The following SIPA1L1 variants were observed in gnomAD, a reference collection of about 807,000 sequenced individuals.
The protein encoded by SIPA1L1 is signal-induced proliferation-associated 1-like protein 1.
SIPA1L1 carries 26 observed loss-of-function variants against 162.7 expected under a neutral mutation model. The ratio of observed to expected loss-of-function variants is 0.16; its 90% CI spans 0.12 to 0.22. The LOEUF (loss-of-function observed/expected upper bound fraction) is 0.22. Ranked by LOEUF, SIPA1L1 falls within the 10% of genes least tolerant of loss-of-function variation. The pLI, the probability that SIPA1L1 is intolerant of heterozygous loss-of-function variation, is 1.00. For synonymous variants in SIPA1L1, 829 were observed against 837.4 expected, an observed-to-expected ratio of 0.99 and a Z score of 0.17; for missense variants, 1,874 against 2,241.0, an observed-to-expected ratio of 0.84 and a Z score of 3.31.
chr14:71,708,015 GTTT>G (rs34838057), intron 16 of SIPA1L1, among the ~76,000 whole-genome samples: 1 of 100,302 alleles, frequency 1.0e-5, no homozygotes, highest in East Asian at 2.9e-4. Context: ...GTTTTTTGGT[GTTT>G]TTTTTTTTTT....
intron 13 of SIPA1L1, among the ~76,000 whole-genome samples, chr14:71,693,353 G>A (rs906071781): frequency 2.9e-4 from 44 of 152,184 alleles, no homozygotes; most frequent in Non-Finnish European, 5.0e-4. Context: ...ACAATAATTA[G>A]CTGGGTGTGG....
At chr14:71,412,375 A>G (rs1404093482) in intron 2 of SIPA1L1, among the ~76,000 whole-genome samples, 1 of 152,158 alleles carries the variant, frequency 6.6e-6, no homozygotes, top group Non-Finnish European at 1.5e-5. Flanking sequence ...TTCTTCTTCC[A>G]CTGTGGCCCA....
intron 12 of SIPA1L1, among the ~76,000 whole-genome samples, chr14:71,683,822 C>G (rs184121485): frequency 6.6e-6 from 1 of 152,188 alleles, no homozygotes; most frequent in African/African-American, 2.4e-5. Context: ...CCATAACTCT[C>G]AAGTAGATCA....
At chr14:71,658,854 T>A (rs1257591316) in intron 9 of SIPA1L1, among the ~76,000 whole-genome samples, 1 of 152,226 alleles carries the variant, frequency 6.6e-6, no homozygotes, top group African/African-American at 2.4e-5. Flanking sequence ...TATAAAATAC[T>A]AACTTGGAAA....
intron 23 of SIPA1L1, 93 bp from the exon 24 acceptor site, chr14:71,738,925 A>G (rs1370520689): frequency 4.9e-6 from 7 of 1,420,576 alleles, no homozygotes; most frequent in Admixed American, 2.2e-5. Context: ...GAAATGGACA[A>G]AAGATCAAAA....
At chr14:71,605,140 T>C (rs2148140956) in intron 5 of SIPA1L1, among the ~76,000 whole-genome samples, 1 of 152,270 alleles carries the variant, frequency 6.6e-6, no homozygotes, top group African/African-American at 2.4e-5. Context: ...GTACTGAGGT[T>C]CTTTTTTTTC....
At chr14:71,529,285 C>G in intron 3 of SIPA1L1, 27 bp from the exon 4 acceptor site, 1 of 607,120 alleles carries the variant, frequency 1.6e-6, no homozygotes, top group Non-Finnish European at 3.0e-6. Flanking sequence ...TGCACTTAAC[C>G]AGGTTTTTTT....
chr14:71,661,373 C>G lies in SIPA1L1; in HGVS notation c.2161C>G (p.Gln721Glu). 1.2e-6 allele frequency: 2 copies of G among 1,614,024 alleles called. No individual in the cohort carries two copies. Among genetic ancestry groups the G allele is most frequent in the Non-Finnish European group, 1.7e-6 (2 of 1,179,948 alleles). The stretch of plus-strand genomic sequence containing the variant: ...AATTGTTTTCCAAGAGCCTGGAGCA[C>G]AGCCATTCAGCCCAAAAAACATCCG... Reference protein sequence around the residue: ...VTIVFQEPGAQPFSPKNIRSH... With the variant: ...VTIVFQEPGAEPFSPKNIRSH... The change falls in exon 10 of 24, where the codon CAG (glutamine) becomes GAG (glutamate). Residue 721 changes from glutamine to glutamate, a missense_variant. Gln to Glu is a conservative substitution (Grantham distance 29, BLOSUM62 2). Coordinates refer to ENST00000381232, the MANE Select transcript of SIPA1L1 (RefSeq NM_001386936.1).
intron 4 of SIPA1L1, among the ~76,000 whole-genome samples, chr14:71,542,364 C>CATCCTG (rs1281211872): frequency 9.6e-6 from 1 of 104,046 alleles, no homozygotes. Context: ...CTTTCTTCTT[C>CATCCTG]TTCCTGCTGC....
At position 71,672,512 on chromosome 14, in the gene SIPA1L1, C is replaced by T. The variant is rs758735958; in HGVS notation, c.2994C>T (p.Cys998=). The part of the protein sequence containing the change: ...LRQGSRLVEI[C]KVAVATLSHE... ...AGGGCAGTCGCCTGGTGGAGATCTGCAAGGTGGCGGTAGCCACTCTGAGCC... is the reference window on the plus strand; with the variant it reads ...AGGGCAGTCGCCTGGTGGAGATCTGTAAGGTGGCGGTAGCCACTCTGAGCC... The change falls in exon 12 of 24, where the codon TGC becomes TGT. Residue 998 remains cysteine, a synonymous_variant. Transcript: ENST00000381232. 1.9e-6 allele frequency: 3 copies of T among 1,613,832 alleles called. No homozygotes were observed. Among genetic ancestry groups the T allele is most frequent in the African/African-American group, 1.3e-5 (1 of 74,866 alleles).
At chr14:71,569,837 G>A (rs1410207717) in intron 4 of SIPA1L1, among the ~76,000 whole-genome samples, 1 of 152,212 alleles carries the variant, frequency 6.6e-6, no homozygotes, top group African/African-American at 2.4e-5. Flanking sequence ...CATTGGCACT[G>A]CTTCTGCCAC....
At chr14:71,330,486 C>G in intron 2 of SIPA1L1, 5 of 1,606,440 alleles carry the variant, frequency 3.1e-6, no homozygotes, top group Non-Finnish European at 4.3e-6. Flanking sequence ...GAACTTGGTC[C>G]CCTTCCTGAA....
At position 71,658,266 on chromosome 14, in the gene SIPA1L1, T is replaced by A. The variant is rs1474393719; in HGVS notation, c.1994-67T>A. 13 of 807,986 alleles carry A rather than the reference T, an allele frequency of 1.6e-5. No homozygotes were observed. The Admixed American group carries it at 2.9e-4, about 18-fold the overall frequency. 50.1% of individuals were successfully genotyped at this position (807,986 alleles called of 1,614,324 possible). ...TTTTCTTCTCTTTTCTTTTTTGAGATATTTCTCTTAAATAAATTATTTTTC... is the reference window on the plus strand; with the variant it reads ...TTTTCTTCTCTTTTCTTTTTTGAGAAATTTCTCTTAAATAAATTATTTTTC... On this transcript the variant is annotated intron_variant, in intron 8 of 23. Transcript: ENST00000381232.
chr14:71,457,019 C>T (rs924625838), intron 2 of SIPA1L1, among the ~76,000 whole-genome samples: 2 of 152,180 alleles, frequency 1.3e-5, no homozygotes, highest in African/African-American at 2.4e-5. Flanking sequence ...TAGCCTCAAG[C>T]AATCCTACTG....
At position 71,709,213 on chromosome 14, in the gene SIPA1L1, C is replaced by A; in HGVS notation, c.3766-9C>A. 1 of 1,598,444 alleles carries A rather than the reference C, an allele frequency of 6.3e-7. No homozygotes were observed. Among genetic ancestry groups the A allele is most frequent in the South Asian group, 1.1e-5 (1 of 89,858 alleles). On this transcript the variant is annotated splice_polypyrimidine_tract_variant and intron_variant, in intron 16 of 23. Transcript: ENST00000381232. Reference sequence around the variant, plus strand: ...CTTTGCACTCAAATAAATTCTGCTTCTCTTGCAGTCTGATAGCCACTACTC... The same window carrying A: ...CTTTGCACTCAAATAAATTCTGCTTATCTTGCAGTCTGATAGCCACTACTC...
In SIPA1L1 at chr14:71,458,900, C is replaced by G. The variant is rs561745322; in HGVS notation, c.-464-53843C>G. Among the ~76,000 whole-genome samples the G allele has an allele frequency of 2.0e-5, 3 of 152,038 alleles. No individual in the cohort carries two copies. The South Asian group carries it at 6.3e-4, about 32-fold the overall frequency. ...AACCTGGCCTCTAACTCCTGAAACC[C>G]CGTCTGTACTAAAAATACAAAAATT... On this transcript the variant is annotated intron_variant, in intron 2 of 23. Coordinates refer to ENST00000381232, the MANE Select transcript of SIPA1L1 (RefSeq NM_001386936.1).
intron 4 of SIPA1L1, among the ~76,000 whole-genome samples, chr14:71,577,084 AAG>A (rs1491007552): frequency 3.3e-5 from 5 of 150,280 alleles, no homozygotes; most frequent in African/African-American, 4.9e-5. Context: ...AAAAAAAAAA[AAG>A]AAGAAAAAGA....
At chr14:71,337,482 G>A (rs115194277) in intron 2 of SIPA1L1, among the ~76,000 whole-genome samples, 2,627 of 152,238 alleles carry the variant, frequency 0.017, 73 homozygotes, top group African/African-American at 0.06. Flanking sequence ...AGGCAGATGA[G>A]TAGCAAAGTT....
intron 13 of SIPA1L1, among the ~76,000 whole-genome samples, chr14:71,698,121 C>G (rs950875010): frequency 6.6e-6 from 1 of 152,200 alleles, no homozygotes; most frequent in Non-Finnish European, 1.5e-5. Flanking sequence ...TTTGTGCCAG[C>G]ATTTGCTTCT....
Sources: allele counts gnomAD v4.1 joint callset (sites outside exome capture counted in the v4.1 genomes callset), GRCh38; gene constraint gnomAD v4.1.1; transcripts MANE v1.5; gene names NCBI Gene and HGNC (gene_info 2026-07-23, HGNC 2026-07-21).